The following SKAP1 variants were observed in gnomAD, a reference collection of about 807,000 sequenced individuals.
SKAP1 encodes src kinase associated phosphoprotein 1, also known as src kinase-associated phosphoprotein 1.
A neutral mutation model predicts 58.5 loss-of-function variants in SKAP1; 44 were observed. The observed-to-expected ratio is 0.75, with a 90% CI of 0.59 to 0.97. The LOEUF is 0.97. Among genes scored for constraint, SKAP1 ranks in the 50% least tolerant of loss-of-function variants. The probability of loss-of-function intolerance (pLI) is 0.00; values close to 1 mark genes in which losing one functional copy is unlikely to be tolerated. For missense variants in SKAP1, 390 were observed against 435.2 expected, an observed-to-expected ratio of 0.90 and a Z score of 0.92; for synonymous variants, 127 against 149.7, an observed-to-expected ratio of 0.85 and a Z score of 1.11.
upstream of SKAP1, chr17:48,430,293 C>T: frequency 2.9e-6 from 1 of 346,418 alleles, no homozygotes. Context: ...GGAAGTGGCG[C>T]GGGCGGCAGG....
rs113044226 is a variant in SKAP1 at position 48,320,915 on chromosome 17, C to T, written c.280+24990G>A. Among the ~76,000 whole-genome samples the T allele has an allele frequency of 5.0e-3, 768 of 152,256 alleles. 8 individuals carry two copies. The highest frequency in any genetic ancestry group is 0.018 in the African/African-American group (737 of 41,538). On this transcript the variant is annotated intron_variant, in intron 4 of 12. Transcript: ENST00000336915. ...GGCTGTGATTATTGAATACATTACA[C>T]GTCAAATTCTTTCTGTTTCTGGTGG...
chr17:48,386,603 C>T lies in SKAP1; in HGVS notation c.152+10077G>A, dbSNP rs2067279853. ...GGAGTATCGAGGATCTAAAGACTAG[C>T]GAAAGCAATTTATTGTCTGATCTTT... On this transcript the variant is annotated intron_variant, in intron 2 of 12. Coordinates refer to ENST00000336915, the MANE Select transcript of SKAP1 (RefSeq NM_003726.4). Among the ~76,000 whole-genome samples the T allele has an allele frequency of 2.6e-5, 4 of 152,118 alleles. No individual in the cohort carries two copies. In the South Asian group the frequency reaches 6.2e-4, roughly 24 times the overall value.
At chr17:48,404,844 T>G (rs200552504) in intron 1 of SKAP1, among the ~76,000 whole-genome samples, 491 of 151,954 alleles carry the variant, frequency 3.2e-3, no homozygotes, top group Non-Finnish European at 5.3e-3. Context: ...TTAAAAGATA[T>G]CCGAAATAAA....
intron 4 of SKAP1, among the ~76,000 whole-genome samples, chr17:48,252,895 G>A (rs2065381927): frequency 1.3e-5 from 2 of 152,120 alleles, no homozygotes; most frequent in Admixed American, 6.6e-5. Context: ...TTTATTGCTG[G>A]AGTAGATGCT....
At position 48,204,085 on chromosome 17, in the gene SKAP1, C is replaced by CT. The variant is rs56871952; in HGVS notation, c.281-14586dup. On this transcript the variant is annotated intron_variant, in intron 4 of 12. Transcript: ENST00000336915. The stretch of plus-strand genomic sequence containing the variant: ...CCAAGATATAAACTCAGATTTTTTT[C>CT]TTTTTTTTTTTTTTTGAGACAGAGT... 6.8e-3 allele frequency: 947 copies of CT among 139,826 alleles called. 10 individuals are homozygous for CT. The highest frequency in any genetic ancestry group is 0.018 in the African/African-American group (667 of 38,084). The allele number at this position is 139,826 out of a possible 1,614,324, so 8.7% of individuals were successfully genotyped here.
chr17:48,383,714 C>T (rs1373941418), intron 2 of SKAP1, among the ~76,000 whole-genome samples: 2 of 111,680 alleles, frequency 1.8e-5, no homozygotes. Context: ...AATCTCTGCC[C>T]TTTTTTTTTT....
chr17:48,156,881 A>AT (rs1324191685), intron 11 of SKAP1, among the ~76,000 whole-genome samples: 7 of 151,438 alleles, frequency 4.6e-5, no homozygotes, highest in South Asian at 4.2e-4. Flanking sequence ...TTCACTGGGT[A>AT]TTTTTTTTTG....
chr17:48,234,534 T>C (rs2065159413), intron 4 of SKAP1, among the ~76,000 whole-genome samples: 1 of 152,180 alleles, frequency 6.6e-6, no homozygotes, highest in African/African-American at 2.4e-5. Flanking sequence ...GAGCCCCAGA[T>C]ATCATCAGAA....
At chr17:48,264,253 CAT>C (rs534929343) in intron 4 of SKAP1, among the ~76,000 whole-genome samples, 3 of 151,366 alleles carry the variant, frequency 2.0e-5, no homozygotes, top group African/African-American at 7.3e-5. Flanking sequence ...TATGTTTATA[CAT>C]ATATATATAC....
chr17:48,145,028 G>A (rs1291494534), intron 11 of SKAP1, among the ~76,000 whole-genome samples: 1 of 151,988 alleles, frequency 6.6e-6, no homozygotes, highest in Non-Finnish European at 1.5e-5. Context: ...AGATGTTTTA[G>A]ATAAGAATAT....
At chr17:48,369,412 G>A (rs2067055502) in intron 2 of SKAP1, among the ~76,000 whole-genome samples, 1 of 150,326 alleles carries the variant, frequency 6.7e-6, no homozygotes, top group Non-Finnish European at 1.5e-5. Context: ...GATTGCATGA[G>A]CCTGCGAGGT....
At chr17:48,183,343 G>A (rs1277572359) in intron 7 of SKAP1, among the ~76,000 whole-genome samples, 2 of 152,032 alleles carry the variant, frequency 1.3e-5, no homozygotes, top group Non-Finnish European at 2.9e-5. Context: ...CCATGGTAAC[G>A]ATTTGGATTC....
At chr17:48,160,951 T>C (rs970295198) in intron 11 of SKAP1, among the ~76,000 whole-genome samples, 1 of 152,238 alleles carries the variant, frequency 6.6e-6, no homozygotes, top group Non-Finnish European at 1.5e-5. Context: ...TTGGTGTGTA[T>C]TGGAGCCACA....
intron 4 of SKAP1, among the ~76,000 whole-genome samples, chr17:48,220,104 A>T (rs1367404671): frequency 6.6e-6 from 1 of 152,236 alleles, no homozygotes; most frequent in Non-Finnish European, 1.5e-5. Context: ...TGGTGGGAGT[A>T]AAAATGGTAC....
At chr17:48,183,359 G>A (rs1025662787) in intron 7 of SKAP1, among the ~76,000 whole-genome samples, 16 of 152,074 alleles carry the variant, frequency 1.1e-4, no homozygotes, top group African/African-American at 3.6e-4. Flanking sequence ...GATTCAATAG[G>A]CCAAAGAAAA....
intron 8 of SKAP1, among the ~76,000 whole-genome samples, chr17:48,181,014 G>A (rs1447903553): frequency 6.6e-6 from 1 of 152,080 alleles, no homozygotes; most frequent in Non-Finnish European, 1.5e-5. Context: ...GTACTACAGA[G>A]TGCTCTCTGA....
At chr17:48,368,881 T>C (rs1474303874) in intron 2 of SKAP1, among the ~76,000 whole-genome samples, 1 of 152,208 alleles carries the variant, frequency 6.6e-6, no homozygotes, top group East Asian at 1.9e-4. Context: ...AAATTAAAGA[T>C]GTTTTGGCCA....
chr17:48,351,256 G>C (rs2066797172), intron 3 of SKAP1, among the ~76,000 whole-genome samples: 1 of 152,156 alleles, frequency 6.6e-6, no homozygotes, highest in African/African-American at 2.4e-5. Context: ...ATACCATTTT[G>C]CACATATTCA....
At chr17:48,367,136 C>T (rs936400484) in intron 2 of SKAP1, among the ~76,000 whole-genome samples, 5 of 151,980 alleles carry the variant, frequency 3.3e-5, no homozygotes, top group East Asian at 1.9e-4. Flanking sequence ...TCTTGTCAGT[C>T]GAGAAGAAAT....
Sources: allele counts gnomAD v4.1 joint callset (sites outside exome capture counted in the v4.1 genomes callset), GRCh38; gene constraint gnomAD v4.1.1; transcripts MANE v1.5; gene names NCBI Gene and HGNC (gene_info 2026-07-23, HGNC 2026-07-21).